DDX6: variants seen among roughly 807,000 people sequenced by gnomAD.
DDX6 encodes the protein DEAD-box helicase 6.
DDX6 carries 7 observed loss-of-function variants against 60.6 expected under a neutral mutation model. The observed-to-expected ratio is 0.12, with a 90% CI of 0.07 to 0.22. The LOEUF (loss-of-function observed/expected upper bound fraction) is 0.22, where lower values mean the gene tolerates loss of function less well. DDX6 is among the 10% of genes least tolerant of loss of function. The probability of loss-of-function intolerance (pLI) is 1.00; values close to 1 mark genes in which losing one functional copy is unlikely to be tolerated. For synonymous variants in DDX6, 207 were observed against 201.0 expected, an observed-to-expected ratio of 1.03 and a Z score of -0.25; for missense variants, 270 against 589.9, an observed-to-expected ratio of 0.46 and a Z score of 5.62.
At chr11:118,762,773 C>T (rs1861218535) in intron 7 of DDX6, among the ~76,000 whole-genome samples, 1 of 152,142 alleles carries the variant, frequency 6.6e-6, no homozygotes, top group Non-Finnish European at 1.5e-5. Context: ...CCCAGGACTA[C>T]AGATTTTAAT....
intron 1 of DDX6, chr11:118,787,779 T>C (rs370704871): frequency 1.6e-4 from 24 of 152,172 alleles, no homozygotes; most frequent in African/African-American, 4.8e-4. Context: ...ACGGATGATA[T>C]ACACAAATTT....
In DDX6 at chr11:118,785,714, T is replaced by C. The variant is rs562037023; in HGVS notation, c.200+338A>G. ...GGGTAAGGTGCAGTCGTAAAAAAAC[T>C]ATACTGACAAAAACGAGATGACTAA... is the stretch of plus-strand genomic sequence containing the variant. On this transcript the variant is annotated intron_variant, in intron 2 of 13. Transcript: ENST00000534980. 6.9e-4 allele frequency: 122 copies of C among 176,174 alleles called. 2 individuals are homozygous for C. The South Asian group carries it at 0.018, about 25-fold the overall frequency. 10.9% of individuals were successfully genotyped at this position (176,174 alleles called of 1,614,324 possible).
intron 2 of DDX6, among the ~76,000 whole-genome samples, chr11:118,783,540 C>T (rs995411759): frequency 2.6e-5 from 4 of 152,146 alleles, no homozygotes; most frequent in South Asian, 2.1e-4. Context: ...CAGTGGCTCA[C>T]GCCTGTAATC....
chr11:118,760,023 C>T lies in DDX6; in HGVS notation c.763G>A (p.Asp255Asn). The T allele has an allele frequency of 6.2e-7, 1 of 1,612,146 alleles. No homozygotes were observed. Among genetic ancestry groups the T allele is most frequent in the South Asian group, 1.1e-5 (1 of 90,568 alleles). ...ATATCCTCCATTATCTGCACAAAAT[C>T]CTGTGACAGCAACTTATCTGCCTGC... Reference protein sequence around the residue: ...LDEADKLLSQDFVQIMEDIIL... With the variant: ...LDEADKLLSQNFVQIMEDIIL... Residue 255 changes from aspartate to asparagine, a missense_variant, in exon 8 of 14, where the codon GAT becomes AAT. Physicochemically the swap from Asp to Asn is conservative, Grantham distance 23. Around this residue, in one of 8 missense-constraint regions of DDX6, gnomAD observed 69 missense variants for 208.2 expected, o/e 0.33. Coordinates refer to ENST00000534980, the MANE Select transcript of DDX6 (RefSeq NM_004397.6).
intron 5 of DDX6, among the ~76,000 whole-genome samples, chr11:118,765,717 T>C (rs1591900494): frequency 1.3e-5 from 2 of 150,168 alleles, no homozygotes; most frequent in Admixed American, 6.7e-5. Context: ...GAGGCTGCAG[T>C]GAGGCAAGAT....
rs1591921256 is a variant in DDX6 at position 118,780,992 on chromosome 11, T to C, written c.264+129A>G. 3 of 596,484 alleles carry C rather than the reference T, an allele frequency of 5.0e-6. No individual in the cohort carries two copies. In the Middle Eastern group the frequency reaches 7.8e-4, roughly 155 times the overall value. 36.9% of individuals were successfully genotyped at this position (596,484 alleles called of 1,614,324 possible). A position where few individuals can be genotyped will look rare whatever the true frequency, so the allele number is the denominator to read the frequency against. On this transcript the variant is annotated intron_variant, in intron 3 of 13. Coordinates refer to ENST00000534980, the MANE Select transcript of DDX6 (RefSeq NM_004397.6). ...TATATAGCCTGAATATCTATCTTAC[T>C]GGGTTGGAGGAGGAGGGTGGCAGTG...
chr11:118,775,350 C>T (rs1861663614), intron 4 of DDX6, among the ~76,000 whole-genome samples: 1 of 152,066 alleles, frequency 6.6e-6, no homozygotes, highest in East Asian at 1.9e-4. Context: ...AACCAAACAC[C>T]ACCTGTTCCC....
At chr11:118,765,392 G>C (rs369745627) in intron 5 of DDX6, 37 bp from the exon 6 acceptor site, 8 of 1,607,134 alleles carry the variant, frequency 5.0e-6, no homozygotes, top group Non-Finnish European at 6.0e-6. Context: ...GAAAATATGG[G>C]GTGAGGTGGG....
chr11:118,775,799 T>C (rs1861678023), intron 4 of DDX6, among the ~76,000 whole-genome samples: 2 of 152,184 alleles, frequency 1.3e-5, no homozygotes, highest in Non-Finnish European at 2.9e-5. Context: ...TAAATTTTAA[T>C]ACAAGGTAAG....
chr11:118,785,916 C>T, intron 2 of DDX6, 136 bp downstream of exon 2: 1 of 742,640 alleles, frequency 1.3e-6, no homozygotes, highest in Non-Finnish European at 2.1e-6. Context: ...ACCTACTGGC[C>T]ATAAAACAAA....
intron 11 of DDX6, among the ~76,000 whole-genome samples, chr11:118,755,992 T>C (rs1860954823): frequency 7.2e-6 from 1 of 138,772 alleles, no homozygotes; most frequent in South Asian, 2.5e-4. Context: ...CACTCCAGCC[T>C]GGGTGACAAA....
At chr11:118,756,183 CTATGTAA>C in intron 11 of DDX6, 70 bp downstream of exon 11, 1 of 1,147,328 alleles carries the variant, frequency 8.7e-7, no homozygotes, top group Non-Finnish European at 1.3e-6. Context: ...ACAGGTTGCA[CTATGTAA>C]TATGAACAGA....
chr11:118,760,006 C>T lies in DDX6; in HGVS notation c.780G>A (p.Met260Ile), dbSNP rs782581835. The change falls in exon 8 of 14, where the codon ATG becomes ATA. Residue 260 changes from methionine (M) to isoleucine (I), a missense_variant. Coordinates refer to ENST00000534980, the MANE Select transcript of DDX6 (RefSeq NM_004397.6). ...KLLSQDFVQI[M>I]EDIILTLPKN... ...TAGGTAGCGTGAGAATAATATCCTC[C>T]ATTATCTGCACAAAATCCTGTGACA... 6.2e-7 allele frequency: 1 copy of T among 1,612,974 alleles called. No individual in the cohort carries two copies. The highest frequency in any genetic ancestry group is 1.3e-5 in the African/African-American group (1 of 74,892).
At position 118,752,577 on chromosome 11, in the gene DDX6, A is replaced by T. The variant is rs546907983; in HGVS notation, c.*8-480T>A. 7.2e-5 allele frequency among the ~76,000 whole-genome samples: 11 copies of T among 152,300 alleles called. No individual in the cohort carries two copies. In the East Asian group the frequency reaches 1.2e-3, roughly 16 times the overall value. On this transcript the variant is annotated intron_variant, in intron 13 of 13. Coordinates refer to ENST00000534980, the MANE Select transcript of DDX6 (RefSeq NM_004397.6). ...CACCTGAGGTCAGGAGTTTGAGACC[A>T]GCCTGGCCAACATGGTAAATCCTCG...
chr11:118,753,818 G>A (rs1174874350), intron 13 of DDX6, among the ~76,000 whole-genome samples: 3 of 152,102 alleles, frequency 2.0e-5, no homozygotes, highest in African/African-American at 7.2e-5. Flanking sequence ...TGCTGGCAGT[G>A]TGGTGGCTCA....
chr11:118,753,821 G>A (rs1420886193), intron 13 of DDX6, among the ~76,000 whole-genome samples: 1 of 152,076 alleles, frequency 6.6e-6, no homozygotes, highest in Non-Finnish European at 1.5e-5. Context: ...TGGCAGTGTG[G>A]TGGCTCACAC....
intron 4 of DDX6, among the ~76,000 whole-genome samples, chr11:118,769,773 C>T (rs561540350): frequency 8.5e-5 from 13 of 152,148 alleles, no homozygotes; most frequent in South Asian, 4.1e-4. Flanking sequence ...GGCACAATCT[C>T]GGCTCACTGC....
At chr11:118,765,737 G>A (rs1442832198) in intron 5 of DDX6, among the ~76,000 whole-genome samples, 1 of 150,326 alleles carries the variant, frequency 6.7e-6, no homozygotes, top group Admixed American at 6.7e-5. Context: ...TCGCGCCACT[G>A]CACTCCAGCC....
intron 1 of DDX6, among the ~76,000 whole-genome samples, chr11:118,790,562 C>T (rs993844968): frequency 3.9e-5 from 6 of 152,066 alleles, no homozygotes; most frequent in African/African-American, 1.4e-4. Flanking sequence ...GCCTCGTACC[C>T]TATAACCTCC....
Sources: gnomAD v4.1 joint callset for allele counts (sites outside exome capture counted in the v4.1 genomes callset) on GRCh38, gnomAD v4.1.1 for gene constraint, gnomAD v4.1.1 regional missense constraint, MANE v1.5 for transcripts, NCBI Gene and HGNC (gene_info 2026-07-23, HGNC 2026-07-21) for gene names.